Variants in CDK6 observed in about 807,000 individuals in gnomAD.
CDK6 encodes cyclin-dependent kinase 6.
Under a neutral mutation model 37.1 loss-of-function variants are expected in CDK6, and 6 were observed. That is an observed-to-expected ratio of 0.16 (90% CI 0.09 to 0.32). The LOEUF (loss-of-function observed/expected upper bound fraction) is 0.32. CDK6 is among the 10% of genes least tolerant of loss of function. CDK6 has a pLI of 1.00. For synonymous variants in CDK6, 160 were observed against 161.3 expected (o/e 0.99, Z 0.06); for missense variants, 224 against 418.9 (o/e 0.53, Z 4.06).
chr7:92,719,146 A>G (rs1012896717), intron 4 of CDK6, among the ~76,000 whole-genome samples: 54 of 152,234 alleles, frequency 3.5e-4, no homozygotes, highest in African/African-American at 1.2e-3. Flanking sequence ...CTTCAACTTT[A>G]AGTTCCAGGG....
chr7:92,643,801 T>C (rs1339094181), intron 5 of CDK6, among the ~76,000 whole-genome samples: 1 of 152,242 alleles, frequency 6.6e-6, no homozygotes, highest in Non-Finnish European at 1.5e-5. Context: ...ACACTTACTA[T>C]TCAGTCTAAA....
intron 4 of CDK6, among the ~76,000 whole-genome samples, chr7:92,700,909 G>A (rs903131241): frequency 1.3e-5 from 2 of 152,358 alleles, no homozygotes; most frequent in African/African-American, 2.4e-5. Context: ...TATCCACTGC[G>A]GTAACATGAT....
chr7:92,799,944 C>T (rs577649168), intron 2 of CDK6, among the ~76,000 whole-genome samples: 1 of 152,240 alleles, frequency 6.6e-6, no homozygotes, highest in Non-Finnish European at 1.5e-5. Context: ...CCCTCCAAAC[C>T]TGCTCCTTCT....
intron 2 of CDK6, among the ~76,000 whole-genome samples, chr7:92,794,591 G>T (rs1006505137): frequency 1.3e-5 from 2 of 151,982 alleles, no homozygotes; most frequent in Non-Finnish European, 2.9e-5. Context: ...TGTCCATCTG[G>T]TGACGTCCCT....
chr7:92,628,402 C>G (rs1795979399), intron 5 of CDK6, among the ~76,000 whole-genome samples: 2 of 152,050 alleles, frequency 1.3e-5, no homozygotes, highest in African/African-American at 4.8e-5. Flanking sequence ...TATTCGTTTA[C>G]CTGTTGATTT....
chr7:92,772,965 T>A lies in CDK6; in HGVS notation c.369+1731A>T, dbSNP rs544090793. On this transcript the variant is annotated intron_variant, in intron 3 of 7. Coordinates refer to ENST00000424848, the MANE Select transcript of CDK6 (RefSeq NM_001145306.2). ...GTCTGTTTTTTTAAAAAAAAGATAC[T>A]CCCCAAATAACTTTGAACTTAGAAA... is the stretch of plus-strand genomic sequence containing the variant. Among the ~76,000 whole-genome samples, 3 of 152,238 alleles carry A rather than the reference T, an allele frequency of 2.0e-5. No individual in the cohort carries two copies. The South Asian group carries it at 6.2e-4, about 32-fold the overall frequency.
chr7:92,632,559 G>A (rs1484862085), intron 5 of CDK6, among the ~76,000 whole-genome samples: 1 of 152,118 alleles, frequency 6.6e-6, no homozygotes, highest in Non-Finnish European at 1.5e-5. Context: ...GTTTAGTGTG[G>A]TGATTAATCA....
intron 2 of CDK6, among the ~76,000 whole-genome samples, chr7:92,783,496 T>C (rs1180184510): frequency 6.6e-6 from 1 of 152,268 alleles, no homozygotes. Context: ...AATCATTTTA[T>C]TCCTACAGCC....
chr7:92,685,546 T>C (rs1361716426), intron 4 of CDK6, among the ~76,000 whole-genome samples: 6 of 152,232 alleles, frequency 3.9e-5, no homozygotes, highest in African/African-American at 1.2e-4. Context: ...TCTTTTATCC[T>C]GGAAACTGTT....
At chr7:92,666,902 A>G (rs1202394977) in intron 5 of CDK6, among the ~76,000 whole-genome samples, 1 of 152,196 alleles carries the variant, frequency 6.6e-6, no homozygotes, top group African/African-American at 2.4e-5. Flanking sequence ...AAAGAAGTTA[A>G]CTGTACAACA....
At chr7:92,694,595 G>A (rs1797667551) in intron 4 of CDK6, among the ~76,000 whole-genome samples, 1 of 152,206 alleles carries the variant, frequency 6.6e-6, no homozygotes, top group African/African-American at 2.4e-5. Flanking sequence ...AAAAGGCAAA[G>A]CCACATATCA....
At chr7:92,615,680 C>T (rs1795660786) in intron 7 of CDK6, among the ~76,000 whole-genome samples, 1 of 152,182 alleles carries the variant, frequency 6.6e-6, no homozygotes, top group African/African-American at 2.4e-5. Context: ...TTAATTAATA[C>T]CAAGGTGCCA....
chr7:92,768,098 G>C (rs1234442299), intron 3 of CDK6, among the ~76,000 whole-genome samples: 1 of 152,170 alleles, frequency 6.6e-6, no homozygotes, highest in Non-Finnish European at 1.5e-5. Flanking sequence ...TCAGGTTGGA[G>C]AGAGCCTAAG....
chr7:92,674,450 A>G lies in CDK6; in HGVS notation c.538-2915T>C, dbSNP rs147973464. On this transcript the variant is annotated intron_variant, in intron 4 of 7. Coordinates refer to ENST00000424848, the MANE Select transcript of CDK6 (RefSeq NM_001145306.2). The stretch of plus-strand genomic sequence containing the variant: ...AACAATAAGGGCTTATACACCTATC[A>G]AATTAATCCTTTTAAGGCAATCATT... Among the ~76,000 whole-genome samples, 279 of 152,350 alleles carry G rather than the reference A, an allele frequency of 1.8e-3. 2 individuals carry two copies. The highest frequency in any genetic ancestry group is 6.3e-3 in the African/African-American group (264 of 41,578).
chr7:92,767,205 T>C (rs191093297), intron 3 of CDK6, among the ~76,000 whole-genome samples: 2 of 152,346 alleles, frequency 1.3e-5, no homozygotes, highest in Admixed American at 1.3e-4. Context: ...CATAATTCTG[T>C]CCTCTTTCTC....
chr7:92,821,827 A>C (rs1010637562), intron 2 of CDK6, among the ~76,000 whole-genome samples: 4 of 152,050 alleles, frequency 2.6e-5, no homozygotes, highest in African/African-American at 9.7e-5. Context: ...CAGAGGAGGA[A>C]GGTGCTTGGA....
chr7:92,807,793 C>T (rs533041977), intron 2 of CDK6, among the ~76,000 whole-genome samples: 35 of 152,140 alleles, frequency 2.3e-4, no homozygotes, highest in African/African-American at 7.9e-4. Flanking sequence ...AACAGTCAAA[C>T]GGTATAACCA....
At chr7:92,825,659 T>C (rs139875521) in intron 2 of CDK6, among the ~76,000 whole-genome samples, 1 of 152,310 alleles carries the variant, frequency 6.6e-6, no homozygotes, top group East Asian at 1.9e-4. Flanking sequence ...ATAGAAATTA[T>C]TAGGAAGGTT....
At chr7:92,746,594 CA>C (rs1300576803) in intron 3 of CDK6, among the ~76,000 whole-genome samples, 4 of 152,086 alleles carry the variant, frequency 2.6e-5, no homozygotes, top group African/African-American at 9.7e-5. Flanking sequence ...TATATATACA[CA>C]AATATTCCAA....
Sources: gnomAD v4.1 joint callset for allele counts (sites outside exome capture counted in the v4.1 genomes callset) on GRCh38, gnomAD v4.1.1 for gene constraint, MANE v1.5 for transcripts, NCBI Gene and HGNC (gene_info 2026-07-23, HGNC 2026-07-21) for gene names.